TBCE: variants seen among roughly 807,000 people sequenced by gnomAD.
TBCE encodes tubulin-specific chaperone E.
In TBCE, 53 loss-of-function variants were observed where a neutral mutation model predicts 77.0. The observed-to-expected ratio is 0.69, with a 90% confidence interval of 0.55 to 0.87. The LOEUF (loss-of-function observed/expected upper bound fraction) is 0.87, where lower values mean the gene tolerates loss of function less well. Among genes scored for constraint, TBCE ranks in the 40% least tolerant of loss-of-function variants. TBCE has a pLI of 0.00. For synonymous variants in TBCE, 235 were observed against 241.3 expected, an observed-to-expected ratio of 0.97 and a Z score of 0.24; for missense variants, 624 against 622.4, an observed-to-expected ratio of 1.00 and a Z score of -0.03.
intron 1 of TBCE, among the ~76,000 whole-genome samples, chr1:235,370,599 T>C (rs760624858): frequency 3.3e-5 from 5 of 150,640 alleles, no homozygotes; most frequent in African/African-American, 4.9e-5. Context: ...CCCTGTAAAA[T>C]CCATTACTGT....
At chr1:235,396,647 A>G (rs560332025) in intron 2 of TBCE, among the ~76,000 whole-genome samples, 1 of 152,244 alleles carries the variant, frequency 6.6e-6, no homozygotes, top group East Asian at 1.9e-4. Flanking sequence ...CATTTATTAT[A>G]TCCTCTCTTT....
At chr1:235,372,566 G>C (rs539397248) in intron 1 of TBCE, among the ~76,000 whole-genome samples, 37 of 151,998 alleles carry the variant, frequency 2.4e-4, no homozygotes, top group Non-Finnish European at 4.4e-4. Context: ...AGAATCTCTT[G>C]AGGCCAGCAG....
chr1:235,407,548 A>G (rs747580710), intron 3 of TBCE, among the ~76,000 whole-genome samples: 2 of 152,150 alleles, frequency 1.3e-5, no homozygotes, highest in Non-Finnish European at 2.9e-5. Flanking sequence ...AGTAGCTATT[A>G]AATAAAACTG....
chr1:235,424,071 G>A (rs1004514643), intron 5 of TBCE, among the ~76,000 whole-genome samples: 3 of 152,134 alleles, frequency 2.0e-5, no homozygotes, highest in African/African-American at 7.2e-5. Flanking sequence ...ATGTATGTTT[G>A]ATGACTCCCT....
rs1427373624 is a variant in TBCE at position 235,448,733 on chromosome 1, A to G, written c.1555A>G (p.Asn519Asp). 2 of 1,613,920 alleles carry G rather than the reference A, an allele frequency of 1.2e-6. No homozygotes were observed. Among genetic ancestry groups the G allele is most frequent in the African/African-American group, 2.7e-5 (2 of 74,916 alleles). Residue 519 changes from asparagine (N) to aspartate (D), a missense_variant, in exon 17 of 17, where the codon AAT becomes GAT. Transcript: ENST00000642610. ...LKSLQFYSVE[N>D]GDCLLVRW ...GTCATTACAGTTTTATTCTGTGGAA[A>G]ATGGAGATTGTCTATTAGTGCGATG...
At chr1:235,394,561 G>T (rs1678613565) in intron 2 of TBCE, among the ~76,000 whole-genome samples, 1 of 150,236 alleles carries the variant, frequency 6.7e-6, no homozygotes, top group Non-Finnish European at 1.5e-5. Context: ...CTCCCAAGTT[G>T]CTGGGACTAC....
rs759705733 is a variant in TBCE at position 235,380,160 on chromosome 1, ATTGTGT to A, written c.100+12_100+17del. On this transcript the variant is annotated intron_variant, in intron 2 of 16. Transcript: ENST00000642610. ...TCCCTCCCGTGGCAGGTAAGCAATT[ATTGTGT>A]GTGTGTGTGTGTGTGTGTGTGTGTG... 64 of 1,358,300 alleles carry A rather than the reference ATTGTGT, an allele frequency of 4.7e-5. 1 individual carries two copies. Among genetic ancestry groups the A allele is most frequent in the Non-Finnish European group, 6.1e-5 (60 of 976,362 alleles). The allele number at this position is 1,358,300 out of a possible 1,614,324, so 84.1% of individuals were successfully genotyped here. A position where few individuals can be genotyped will look rare whatever the true frequency, so the allele number is the denominator to read the frequency against.
chr1:235,372,944 A>AG (rs1302197927), intron 1 of TBCE, among the ~76,000 whole-genome samples: 4 of 151,204 alleles, frequency 2.6e-5, no homozygotes, highest in Non-Finnish European at 5.9e-5. Context: ...AAAAAAAAAA[A>AG]AGAGAGAAAT....
At chr1:235,427,290 C>A in intron 6 of TBCE, 51 bp downstream of exon 6, 1 of 1,352,406 alleles carries the variant, frequency 7.4e-7, no homozygotes, top group Non-Finnish European at 1.1e-6. Flanking sequence ...CTCATCTCTC[C>A]TTGCTTCCTC....
chr1:235,450,044 G>A lies in TBCE; in HGVS notation c.*1282G>A. 1.3e-6 allele frequency: 1 copy of A among 746,928 alleles called. No individual in the cohort carries two copies. The highest frequency in any genetic ancestry group is 2.0e-6 in the Non-Finnish European group (1 of 493,270). 46.3% of individuals were successfully genotyped at this position (746,928 alleles called of 1,614,324 possible). On this transcript the variant is annotated 3_prime_UTR_variant, in exon 17 of 17. Transcript: ENST00000642610. ...CAAGTTGATTTTTAAGGAAATTTGT[G>A]CAAACATTAAGAAACACCGCATTGG... is the stretch of plus-strand genomic sequence containing the variant.
intron 6 of TBCE, among the ~76,000 whole-genome samples, chr1:235,428,178 G>A (rs1243072595): frequency 1.3e-5 from 2 of 152,030 alleles, no homozygotes; most frequent in Non-Finnish European, 2.9e-5. Context: ...CAAAAAATTA[G>A]CCGGGCGTGG....
intron 2 of TBCE, among the ~76,000 whole-genome samples, chr1:235,400,525 G>A (rs71640698): frequency 0.17 from 23,583 of 137,460 alleles, 2,471 homozygotes; most frequent in African/African-American, 0.32. Context: ...CTCAGCCTCC[G>A]GAGTAGCTGG....
chr1:235,452,163 C>A lies in TBCE; in HGVS notation c.*3401C>A. On this transcript the variant is annotated 3_prime_UTR_variant, in exon 17 of 17. Coordinates refer to ENST00000642610, the MANE Select transcript of TBCE (RefSeq NM_003193.5). ...GAGTAGCTGGGACCACAGGCGCCCGCCACTATGCCTGGCTAATTTTTTTTG... is the reference window on the plus strand; with the variant it reads ...GAGTAGCTGGGACCACAGGCGCCCGACACTATGCCTGGCTAATTTTTTTTG... The A allele has an allele frequency of 6.6e-6, 1 of 152,408 alleles. No individual in the cohort carries two copies. The highest frequency in any genetic ancestry group is 1.5e-5 in the Non-Finnish European group (1 of 68,172). 9.4% of individuals were successfully genotyped at this position (152,408 alleles called of 1,614,324 possible).
intron 3 of TBCE, chr1:235,413,980 T>A: frequency 5.4e-6 from 1 of 184,484 alleles, no homozygotes; most frequent in Non-Finnish European, 1.1e-5. Flanking sequence ...TTAGCCTCCC[T>A]AGTAGCTGGG....
rs1402133725 is a variant in TBCE at position 235,401,571 on chromosome 1, G to A, written c.169G>A (p.Val57Met). ...GKHDGSHEGTVYFKCRHPTGG... is the reference protein window; with the variant it reads ...GKHDGSHEGTMYFKCRHPTGG... ...GCATGATGGGAGCCACGAAGGGACT[G>A]TGTATTTTAAATGCAGGTAACTTTT... Residue 57 changes from valine to methionine, a missense_variant, in exon 3 of 17, where the codon GTG (valine) becomes ATG (methionine). Val to Met is a conservative substitution (Grantham distance 21). Transcript: ENST00000642610. 3 of 1,613,414 alleles carry A rather than the reference G, an allele frequency of 1.9e-6. No individual in the cohort carries two copies. Among genetic ancestry groups the A allele is most frequent in the Non-Finnish European group, 2.5e-6 (3 of 1,179,616 alleles).
chr1:235,389,181 T>C (rs979639198), intron 2 of TBCE, among the ~76,000 whole-genome samples: 1 of 152,210 alleles, frequency 6.6e-6, no homozygotes, highest in African/African-American at 2.4e-5. Flanking sequence ...TTAGCAAACG[T>C]GAAGTTTTTA....
At chr1:235,407,005 T>C (rs1435598155) in intron 3 of TBCE, among the ~76,000 whole-genome samples, 1 of 151,926 alleles carries the variant, frequency 6.6e-6, no homozygotes, top group African/African-American at 2.4e-5. Flanking sequence ...TGGCTAATTT[T>C]GTATTTTTAG....
chr1:235,422,287 G>A (rs1008381666), intron 5 of TBCE, among the ~76,000 whole-genome samples: 1 of 152,202 alleles, frequency 6.6e-6, no homozygotes, highest in African/African-American at 2.4e-5. Context: ...CAAGGCGGGT[G>A]GATCACCTGA....
intron 2 of TBCE, among the ~76,000 whole-genome samples, chr1:235,395,548 C>CT (rs71174424): frequency 0.068 from 9,433 of 138,328 alleles, 659 homozygotes; most frequent in African/African-American, 0.17. Context: ...TCTTCTTCTT[C>CT]TTTTTTTTTT....
Sources: allele counts gnomAD v4.1 joint callset (sites outside exome capture counted in the v4.1 genomes callset), GRCh38; gene constraint gnomAD v4.1.1; transcripts MANE v1.5; gene names NCBI Gene and HGNC (gene_info 2026-07-23, HGNC 2026-07-21).